The following UAP1 variants were observed in gnomAD, a reference collection of about 807,000 sequenced individuals.
UAP1 encodes UDP-N-acetylglucosamine pyrophosphorylase 1.
UAP1 carries 25 observed loss-of-function variants against 58.5 expected under a neutral mutation model. The observed-to-expected ratio is 0.43, with a 90% confidence interval of 0.31 to 0.60. The LOEUF (loss-of-function observed/expected upper bound fraction) is 0.60. Among genes scored for constraint, UAP1 ranks in the 20% least tolerant of loss-of-function variants. The pLI is 0.11. For missense variants in UAP1, 575 were observed against 630.0 expected (o/e 0.91, Z 0.93); for synonymous variants, 208 against 213.0 (o/e 0.98, Z 0.21).
At chr1:162,586,615 A>G (rs906588232) in intron 5 of UAP1, among the ~76,000 whole-genome samples, 1 of 152,132 alleles carries the variant, frequency 6.6e-6, no homozygotes, top group African/African-American at 2.4e-5. Context: ...ATATTAGTGC[A>G]TTGCATATAG....
At chr1:162,579,472 T>C (rs752303565) in exon 4 of UAP1, 1 of 1,607,334 alleles carries the variant, frequency 6.2e-7, no homozygotes, top group Non-Finnish European at 8.5e-7. Context: ...ACAAAGGAGT[T>C]CTTCACCAAG....
chr1:162,571,095 T>G (rs1014795217), intron 2 of UAP1, among the ~76,000 whole-genome samples: 1 of 150,916 alleles, frequency 6.6e-6, no homozygotes, highest in African/African-American at 2.4e-5. Flanking sequence ...TGGCTTTCTT[T>G]TTTTTTTTTT....
intron 1 of UAP1, among the ~76,000 whole-genome samples, 175 bp downstream of exon 1, chr1:162,561,952 C>T (rs954380012): frequency 9.9e-5 from 15 of 152,222 alleles, no homozygotes; most frequent in African/African-American, 3.6e-4. Flanking sequence ...CCCGCAGACA[C>T]ACACCCCAGC....
intron 6 of UAP1, 52 bp downstream of exon 6, chr1:162,587,720 C>A: frequency 6.4e-7 from 1 of 1,556,390 alleles, no homozygotes. Context: ...TAATCAGAAA[C>A]TAAGACACTT....
intron 8 of UAP1, among the ~76,000 whole-genome samples, chr1:162,591,521 T>TA (rs1233769635): frequency 1.3e-5 from 2 of 152,196 alleles, no homozygotes; most frequent in Admixed American, 1.3e-4. Flanking sequence ...GTTTCACTCT[T>TA]GTCACCCAGG....
intron 2 of UAP1, among the ~76,000 whole-genome samples, chr1:162,576,348 T>G (rs538461057): frequency 1.6e-4 from 25 of 152,332 alleles, no homozygotes; most frequent in South Asian, 8.3e-4. Flanking sequence ...TGCGAAACAT[T>G]TATTATATCT....
intron 1 of UAP1, 104 bp from the exon 2 acceptor site, chr1:162,565,908 T>G: frequency 2.7e-6 from 2 of 731,708 alleles, no homozygotes; most frequent in South Asian, 3.9e-5. Flanking sequence ...CAGAAGTTAA[T>G]TTTTTTAACA....
At chr1:162,575,813 GTT>G (rs1654146882) in intron 2 of UAP1, among the ~76,000 whole-genome samples, 1 of 151,080 alleles carries the variant, frequency 6.6e-6, no homozygotes, top group African/African-American at 2.4e-5. Context: ...CAATTCTCCT[GTT>G]TCAGCCTACA....
intron 9 of UAP1, chr1:162,593,716 C>A (rs1345719626): frequency 1.3e-5 from 2 of 151,462 alleles, no homozygotes; most frequent in African/African-American, 4.9e-5. Flanking sequence ...CCATTGCACT[C>A]CAGCCTTGGT....
downstream of UAP1, among the ~76,000 whole-genome samples, chr1:162,600,600 C>T (rs1181040252): frequency 6.7e-6 from 1 of 149,104 alleles, no homozygotes; most frequent in Non-Finnish European, 1.5e-5. Flanking sequence ...CAAGTTGTCA[C>T]AAGATAGGAT....
intron 2 of UAP1, among the ~76,000 whole-genome samples, chr1:162,574,178 C>T (rs771618156): frequency 1.3e-5 from 2 of 151,110 alleles, no homozygotes; most frequent in Non-Finnish European, 2.9e-5. Flanking sequence ...CTGCAGCCTC[C>T]GCCTCCTGGG....
In UAP1 at chr1:162,561,720, A is replaced by G. The variant is rs1451225542; in HGVS notation, c.-115A>G. ...TATTCGGAGCGAGCGCGGGACGCCG[A>G]TGAGTGGCCGCGCGGAAGGAGCTGG... On this transcript the variant is annotated 5_prime_UTR_variant, in exon 1 of 11. Coordinates refer to ENST00000271469, the Ensembl canonical transcript of UAP1. 1 of 152,214 alleles carries G rather than the reference A, an allele frequency of 6.6e-6. No individual in the cohort carries two copies. Among genetic ancestry groups the G allele is most frequent in the Non-Finnish European group, 1.5e-5 (1 of 68,080 alleles). The allele number at this position is 152,214 out of a possible 1,614,324, so 9.4% of individuals were successfully genotyped here. A position where few individuals can be genotyped will look rare whatever the true frequency, so the allele number is the denominator to read the frequency against.
At chr1:162,585,829 C>G (rs1654876433) in intron 5 of UAP1, among the ~76,000 whole-genome samples, 1 of 151,636 alleles carries the variant, frequency 6.6e-6, no homozygotes, top group Non-Finnish European at 1.5e-5. Flanking sequence ...TCCCAAATTC[C>G]CTGCCTAGTA....
At chr1:162,575,683 T>C (rs1037382064) in intron 2 of UAP1, among the ~76,000 whole-genome samples, 39 of 150,634 alleles carry the variant, frequency 2.6e-4, no homozygotes, top group African/African-American at 9.3e-4. Flanking sequence ...GTGATCTGCC[T>C]GTCTCGTAGT....
chr1:162,589,000 A>G (rs1430740218), intron 7 of UAP1, among the ~76,000 whole-genome samples, 167 bp downstream of exon 7: 1 of 146,014 alleles, frequency 6.8e-6, no homozygotes, highest in Non-Finnish European at 1.5e-5. Context: ...CTGGAATAAA[A>G]CCAGGAGTGT....
intron 2 of UAP1, among the ~76,000 whole-genome samples, chr1:162,571,863 G>A (rs1653886490): frequency 6.6e-6 from 1 of 152,210 alleles, no homozygotes; most frequent in Admixed American, 6.5e-5. Context: ...TTCAGCCAGT[G>A]TACACACAAT....
chr1:162,588,390 A>G (rs1557976727), intron 6 of UAP1, among the ~76,000 whole-genome samples: 1 of 152,192 alleles, frequency 6.6e-6, no homozygotes, highest in Non-Finnish European at 1.5e-5. Context: ...TGTTTCATCC[A>G]TAGTAACTTA....
chr1:162,590,924 A>AT (rs529871740), intron 8 of UAP1, among the ~76,000 whole-genome samples: 2,290 of 126,710 alleles, frequency 0.018, 40 homozygotes, highest in African/African-American at 0.049. Context: ...CCTCACCACT[A>AT]TTTTTTTTTT....
intron 1 of UAP1, among the ~76,000 whole-genome samples, chr1:162,564,404 A>G (rs1653362956): frequency 6.6e-6 from 1 of 152,184 alleles, no homozygotes; most frequent in Non-Finnish European, 1.5e-5. Context: ...ATTACTTTTC[A>G]CTGTTCTTAT....
Sources: gnomAD v4.1 joint callset for allele counts (sites outside exome capture counted in the v4.1 genomes callset) on GRCh38, gnomAD v4.1.1 for gene constraint, MANE v1.5 for transcripts, NCBI Gene and HGNC (gene_info 2026-07-23, HGNC 2026-07-21) for gene names.